BTBD2: variants seen among roughly 807,000 people sequenced by gnomAD.
The protein encoded by BTBD2 is BTB domain containing 2.
In BTBD2, 15 loss-of-function variants were observed where a neutral mutation model predicts 44.0. The observed-to-expected ratio is 0.34, with a 90% CI of 0.23 to 0.53. The LOEUF (loss-of-function observed/expected upper bound fraction) is 0.53, where lower values mean the gene tolerates loss of function less well. Among genes scored for constraint, BTBD2 ranks in the 20% least tolerant of loss-of-function variants. The pLI, the probability that BTBD2 is intolerant of heterozygous loss-of-function variation, is 0.95. For synonymous variants in BTBD2, 443 were observed against 335.9 expected, an observed-to-expected ratio of 1.32 and a Z score of -3.49; for missense variants, 657 against 746.4, an observed-to-expected ratio of 0.88 and a Z score of 1.39.
intron 1 of BTBD2, chr19:2,013,520 G>C: frequency 1.0e-6 from 1 of 986,442 alleles, no homozygotes; most frequent in Non-Finnish European, 1.2e-6. Flanking sequence ...TGGGGTGCAG[G>C]GGGTAGCAGG....
rs762022766 is a variant in BTBD2 at position 1,993,115 on chromosome 19, C to A, written c.589G>T (p.Ala197Ser). ...PETVMTTLYTAKKYAVPALEA... is the reference protein window; with the variant it reads ...PETVMTTLYTSKKYAVPALEA... ...AGCGCTGGCACCGCGTACTTCTTGG[C>A]GGTGTATAGCGTGGTCATCACCGTC... is the stretch of plus-strand genomic sequence containing the variant. Residue 197 changes from alanine (A) to serine (S), a missense_variant, in exon 3 of 9, where the codon GCC (alanine) becomes TCC (serine). By Grantham distance (99) the Ala-to-Ser change is moderately conservative. Coordinates refer to ENST00000255608, the MANE Select transcript of BTBD2 (RefSeq NM_017797.4). 6.2e-7 allele frequency: 1 copy of A among 1,608,384 alleles called. No homozygotes were observed. Among genetic ancestry groups the A allele is most frequent in the Admixed American group, 1.7e-5 (1 of 59,978 alleles).
At chr19:1,991,320 G>A (rs1483366933) in intron 3 of BTBD2, 3 of 161,658 alleles carry the variant, frequency 1.9e-5, no homozygotes, top group Admixed American at 6.1e-5. Context: ...TGACAGAGCT[G>A]GAGGACGCCT....
chr19:2,000,553 C>T (rs1253028272), intron 1 of BTBD2, among the ~76,000 whole-genome samples: 2 of 152,186 alleles, frequency 1.3e-5, no homozygotes, highest in African/African-American at 4.8e-5. Flanking sequence ...AGGGGCTCCT[C>T]CAACACCGAG....
chr19:2,007,076 T>C (rs976245917), intron 1 of BTBD2, among the ~76,000 whole-genome samples: 4 of 152,150 alleles, frequency 2.6e-5, no homozygotes, highest in African/African-American at 9.7e-5. Flanking sequence ...CAGGCTGGTC[T>C]TGAACTCCTG....
intron 1 of BTBD2, among the ~76,000 whole-genome samples, chr19:2,006,302 C>G (rs2016393567): frequency 6.6e-6 from 1 of 152,210 alleles, no homozygotes; most frequent in South Asian, 2.1e-4. Flanking sequence ...ACAGGATACT[C>G]TACTGCAGAG....
chr19:1,993,961 C>CA (rs1368753928), intron 2 of BTBD2, among the ~76,000 whole-genome samples: 3 of 124,100 alleles, frequency 2.4e-5, no homozygotes, highest in African/African-American at 9.4e-5. Flanking sequence ...CTCGCCACTG[C>CA]ACTCCAGCCT....
At chr19:1,990,224 G>A (rs761384670) in intron 4 of BTBD2, 23 bp from the exon 5 acceptor site, 6 of 1,569,160 alleles carry the variant, frequency 3.8e-6, no homozygotes, top group Non-Finnish European at 5.2e-6. Flanking sequence ...GGAAGGGGCT[G>A]CGTGAACACG....
At chr19:1,998,174 ACTCT>A (rs1352141908) in intron 1 of BTBD2, among the ~76,000 whole-genome samples, 4 of 152,046 alleles carry the variant, frequency 2.6e-5, no homozygotes, top group Admixed American at 6.6e-5. Context: ...ACACTCGTCT[ACTCT>A]CTATCACTCT....
At position 1,987,377 on chromosome 19, in the gene BTBD2, C is replaced by T. The variant is rs186114958; in HGVS notation, c.1181+123G>A. The T allele has an allele frequency of 5.6e-5, 77 of 1,370,474 alleles. No homozygotes were observed. The East Asian group carries it at 1.3e-3, about 23-fold the overall frequency. The allele number at this position is 1,370,474 out of a possible 1,614,324, so 84.9% of individuals were successfully genotyped here. A position where few individuals can be genotyped will look rare whatever the true frequency, so the allele number is the denominator to read the frequency against. Reference sequence around the variant, plus strand: ...CTGAGTCCTCCACCCCCATGCCCGGCGGCCCCCCCGCCGTCTTCATCATCC... The same window carrying T: ...CTGAGTCCTCCACCCCCATGCCCGGTGGCCCCCCCGCCGTCTTCATCATCC... On this transcript the variant is annotated intron_variant, in intron 6 of 8. Transcript: ENST00000255608.
At chr19:1,988,886 T>TG (rs1705829341) in intron 5 of BTBD2, among the ~76,000 whole-genome samples, 1 of 151,948 alleles carries the variant, frequency 6.6e-6, no homozygotes, top group South Asian at 2.1e-4. Flanking sequence ...ATTACAGGAG[T>TG]GAGTGACCCA....
Position 2,013,323 on chromosome 19 carries a change from TG to T in BTBD2, c.407+1973del, listed in dbSNP as rs1321912611. 6.6e-5 allele frequency among the ~76,000 whole-genome samples: 10 copies of T among 151,440 alleles called. No individual in the cohort carries two copies. The East Asian group carries it at 2.0e-3, about 30-fold the overall frequency. ...CGGGGAGTGGAGGGAACCTGGGGCC[TG>T]GGGCCGGTACCCCGCACACTGGCAA... On this transcript the variant is annotated intron_variant, in intron 1 of 8. Transcript: ENST00000255608.
In BTBD2 at chr19:1,993,272, C is replaced by T. The variant is rs950652209; in HGVS notation, c.528-96G>A. On this transcript the variant is annotated intron_variant, in intron 2 of 8. Coordinates refer to ENST00000255608, the MANE Select transcript of BTBD2 (RefSeq NM_017797.4). ...CCACTCAGACCGTTAGACTCGGCCA[C>T]CGGCCCTTGAGCTGGCAGGACCCAA... is the stretch of plus-strand genomic sequence containing the variant. 7.5e-5 allele frequency: 108 copies of T among 1,444,136 alleles called. No individual in the cohort carries two copies. The African/African-American group carries it at 1.3e-3, about 17-fold the overall frequency. The allele number at this position is 1,444,136 out of a possible 1,614,324, so 89.5% of individuals were successfully genotyped here.
chr19:2,014,104 GC>G, intron 1 of BTBD2: 1 of 151,946 alleles, frequency 6.6e-6, no homozygotes, highest in Non-Finnish European at 1.5e-5. Context: ...GTCCCAGGGG[GC>G]CCCGGGAGTA....
At position 1,999,134 on chromosome 19, in the gene BTBD2, C is replaced by T. The variant is rs377564982; in HGVS notation, c.408-1671G>A. 5.3e-5 allele frequency among the ~76,000 whole-genome samples: 8 copies of T among 152,170 alleles called. No homozygotes were observed. The South Asian group carries it at 6.2e-4, about 12-fold the overall frequency. Reference sequence around the variant, plus strand: ...CTCCTCGCTCTCCTCCCACCACACGCGCCCCCCTAAACCCCGCAGGCCCTC... The same window carrying T: ...CTCCTCGCTCTCCTCCCACCACACGTGCCCCCCTAAACCCCGCAGGCCCTC... On this transcript the variant is annotated intron_variant, in intron 1 of 8. Transcript: ENST00000255608.
chr19:1,993,041 G>A lies in BTBD2; in HGVS notation c.663C>T (p.Asn221=), dbSNP rs1280445783. 2.5e-6 allele frequency: 4 copies of A among 1,595,008 alleles called. No individual in the cohort carries two copies. Among genetic ancestry groups the A allele is most frequent in the Middle Eastern group, 1.7e-4 (1 of 6,014 alleles). Residue 221 remains asparagine, a synonymous_variant, in exon 3 of 9, where the codon AAC becomes AAT. Coordinates refer to ENST00000255608, the MANE Select transcript of BTBD2 (RefSeq NM_017797.4). ...EFLKKNLRAD[N]AFMLLTQARL... is the part of the protein sequence containing the mutation. Reference sequence around the variant, plus strand: ...CCACCTGCGTGAGCAGCATGAAGGCGTTGTCGGCTCGCAGGTTCTTCTTCA... The same window carrying A: ...CCACCTGCGTGAGCAGCATGAAGGCATTGTCGGCTCGCAGGTTCTTCTTCA...
chr19:2,001,312 C>T (rs112890334), intron 1 of BTBD2, among the ~76,000 whole-genome samples: 27 of 151,906 alleles, frequency 1.8e-4, no homozygotes, highest in East Asian at 1.7e-3. Context: ...CTGGCTAACA[C>T]GGTGAAACCC....
Position 1,999,712 on chromosome 19 carries a change from C to G in BTBD2, c.408-2249G>C, listed in dbSNP as rs1417023794. Among the ~76,000 whole-genome samples the G allele has an allele frequency of 8.6e-5, 13 of 151,622 alleles. No individual in the cohort carries two copies. The South Asian group carries it at 1.0e-3, about 12-fold the overall frequency. ...GCAGTGGCTCACGCCTGTAATCCCA[C>G]CACTTTGGGAGGCCAAGGCAGGCAA... is the stretch of plus-strand genomic sequence containing the variant. On this transcript the variant is annotated intron_variant, in intron 1 of 8. Transcript: ENST00000255608.
At chr19:2,013,584 G>C (rs569687096) in intron 1 of BTBD2, 1 of 987,916 alleles carries the variant, frequency 1.0e-6, no homozygotes, top group Non-Finnish European at 1.2e-6. Flanking sequence ...TGGCAGTGGC[G>C]GAGCTGGAGG....
intron 1 of BTBD2, among the ~76,000 whole-genome samples, chr19:1,997,861 T>C (rs1383270798): frequency 1.3e-5 from 2 of 152,226 alleles, no homozygotes; most frequent in Non-Finnish European, 2.9e-5. Context: ...CACTCGCTCA[T>C]TCACATGCAT....
Sources: allele counts gnomAD v4.1 joint callset (sites outside exome capture counted in the v4.1 genomes callset), GRCh38; gene constraint gnomAD v4.1.1; transcripts MANE v1.5; gene names NCBI Gene and HGNC (gene_info 2026-07-23, HGNC 2026-07-21).